The following C3orf49 variants were observed in gnomAD, a reference collection of about 807,000 sequenced individuals.
C3orf49 encodes chromosome 3 open reading frame 49.
A neutral mutation model predicts 13.3 loss-of-function variants in C3orf49; 27 were observed. The ratio of observed to expected loss-of-function variants is 2.02; its 90% CI spans 1.49 to 2.79. C3orf49 has a LOEUF of 2.79. Among genes scored for constraint, C3orf49 ranks in the 30% most tolerant of loss-of-function variants. The pLI is 0.00. For synonymous variants in C3orf49, 87 were observed against 47.6 expected, an observed-to-expected ratio of 1.83 and a Z score of -3.40; for missense variants, 242 against 134.2, an observed-to-expected ratio of 1.80 and a Z score of -3.97.
intron 3 of C3orf49, among the ~76,000 whole-genome samples, chr3:63,829,395 A>G (rs776630578): frequency 1.3e-5 from 2 of 152,198 alleles, no homozygotes; most frequent in Non-Finnish European, 2.9e-5. Context: ...ATTGACCCCT[A>G]TCTCACACCA....
intron 6 of C3orf49, among the ~76,000 whole-genome samples, chr3:63,847,419 G>T (rs1301666602): frequency 1.3e-5 from 2 of 152,118 alleles, no homozygotes; most frequent in African/African-American, 2.4e-5. Context: ...CTAAAGTGCT[G>T]TGTCTCCAAA....
the C3orf49 span, among the ~76,000 whole-genome samples, chr3:63,800,187 C>T: frequency 1.3e-5 from 2 of 152,124 alleles, no homozygotes; most frequent in Non-Finnish European, 2.9e-5. Flanking sequence ...TTCAATCACA[C>T]ATAAAACCAC....
At chr3:63,809,620 G>A in the C3orf49 span, among the ~76,000 whole-genome samples, 3 of 152,038 alleles carry the variant, frequency 2.0e-5, no homozygotes, top group African/African-American at 7.2e-5. Flanking sequence ...TAGGCCCTTC[G>A]TTATCTATCT....
chr3:63,802,755 A>G, the C3orf49 span, among the ~76,000 whole-genome samples: 2 of 152,174 alleles, frequency 1.3e-5, no homozygotes, highest in Non-Finnish European at 2.9e-5. Context: ...ATTAAAGTGC[A>G]GAAAGTCCAA....
chr3:63,820,240 T>C (rs989591327), intron 1 of C3orf49, among the ~76,000 whole-genome samples: 1 of 152,202 alleles, frequency 6.6e-6, no homozygotes, highest in African/African-American at 2.4e-5. Context: ...GGTGTTTTAA[T>C]GAGTCCTGGA....
upstream of C3orf49, among the ~76,000 whole-genome samples, chr3:63,817,246 C>T (rs1701334580): frequency 6.6e-6 from 1 of 152,104 alleles, no homozygotes; most frequent in African/African-American, 2.4e-5. Context: ...CATCTAAAGT[C>T]ACTCCTCATC....
chr3:63,795,343 T>A, the C3orf49 span, among the ~76,000 whole-genome samples: 1 of 152,216 alleles, frequency 6.6e-6, no homozygotes, highest in Non-Finnish European at 1.5e-5. Flanking sequence ...GCCCTTGAGC[T>A]GCTGCTCAGG....
chr3:63,838,343 T>C lies in C3orf49; in HGVS notation c.849+6499T>C, dbSNP rs1486300587. 3 of 1,380,864 alleles carry C rather than the reference T, an allele frequency of 2.2e-6. No homozygotes were observed. In the African/African-American group the frequency reaches 4.4e-5, roughly 20 times the overall value. 85.5% of individuals were successfully genotyped at this position (1,380,864 alleles called of 1,614,324 possible). On this transcript the variant is annotated intron_variant, in intron 5 of 6. Transcript: ENST00000295896. ...TTCCTTTAGACCATAAAAAATAAAA[T>C]TACAGATAGAAACATTAAGATTCTT...
In C3orf49 at chr3:63,845,059, ACTC is replaced by A; in HGVS notation, c.*10_*12del. Reference sequence around the variant, plus strand: ...AGGACCTGGAGACAGCTGACCTGAGACTCCTTGAGGAACACAGGAAAAGGTGAT... The same window carrying A: ...AGGACCTGGAGACAGCTGACCTGAGACTTGAGGAACACAGGAAAAGGTGAT... On this transcript the variant is annotated 3_prime_UTR_variant, in exon 6 of 7. Transcript: ENST00000295896. 1 of 696,612 alleles carries A rather than the reference ACTC, an allele frequency of 1.4e-6. No homozygotes were observed. The highest frequency in any genetic ancestry group is 1.5e-5 in the South Asian group (1 of 66,820). The allele number at this position is 696,612 out of a possible 1,614,324, so 43.2% of individuals were successfully genotyped here. A position where few individuals can be genotyped will look rare whatever the true frequency, so the allele number is the denominator to read the frequency against.
chr3:63,793,081 C>A, the C3orf49 span, among the ~76,000 whole-genome samples: 1 of 152,166 alleles, frequency 6.6e-6, no homozygotes, highest in Non-Finnish European at 1.5e-5. Context: ...CTTCTTGACA[C>A]TGACCACAGT....
At chr3:63,841,349 T>G (rs1234340310) in intron 5 of C3orf49, among the ~76,000 whole-genome samples, 4 of 152,228 alleles carry the variant, frequency 2.6e-5, no homozygotes, top group Non-Finnish European at 5.9e-5. Flanking sequence ...TTTTCCTGCA[T>G]GTCTTTGTAG....
chr3:63,795,564 T>G, the C3orf49 span, among the ~76,000 whole-genome samples: 1 of 152,180 alleles, frequency 6.6e-6, no homozygotes, highest in Non-Finnish European at 1.5e-5. Context: ...TCCTTTTACC[T>G]TGCTGGTCCT....
chr3:63,783,603 A>T, the C3orf49 span, among the ~76,000 whole-genome samples: 1 of 151,584 alleles, frequency 6.6e-6, no homozygotes, highest in Non-Finnish European at 1.5e-5. Flanking sequence ...ATGTAGTCCC[A>T]GCTACTTGGG....
rs777611205 is a variant in C3orf49 at position 63,843,883 on chromosome 3, AGAGT to A, written c.850-1136_850-1133del. 8.5e-5 allele frequency among the ~76,000 whole-genome samples: 13 copies of A among 152,092 alleles called. No individual in the cohort carries two copies. In the East Asian group the frequency reaches 2.3e-3, roughly 27 times the overall value. Reference sequence around the variant, plus strand: ...GCCACTGCACTCCAGCCTGGGCGACAGAGTGAGACTCCGTCTCAGAAAAAAAAAA... The same window carrying A: ...GCCACTGCACTCCAGCCTGGGCGACAGAGACTCCGTCTCAGAAAAAAAAAA... On this transcript the variant is annotated intron_variant, in intron 5 of 6. Transcript: ENST00000295896.
At chr3:63,818,889 G>C (rs1314294858), upstream of C3orf49, among the ~76,000 whole-genome samples, 2 of 152,180 alleles carry the variant, frequency 1.3e-5, no homozygotes, top group Non-Finnish European at 2.9e-5. Flanking sequence ...CACCCTTGGG[G>C]TACATTTTGA....
chr3:63,791,953 T>C, the C3orf49 span, among the ~76,000 whole-genome samples: 1 of 152,212 alleles, frequency 6.6e-6, no homozygotes, highest in Non-Finnish European at 1.5e-5. Context: ...ACTTAAATTC[T>C]TGATTTCTTT....
At chr3:63,847,689 A>G (rs1701927895) in intron 6 of C3orf49, among the ~76,000 whole-genome samples, 1 of 142,556 alleles carries the variant, frequency 7.0e-6, no homozygotes, top group African/African-American at 2.5e-5. Context: ...GTGAGCCAAG[A>G]TCGTGCAACT....
At chr3:63,825,627 G>A (rs1384639039) in intron 2 of C3orf49, among the ~76,000 whole-genome samples, 2 of 152,184 alleles carry the variant, frequency 1.3e-5, no homozygotes, top group Non-Finnish European at 2.9e-5. Context: ...CCTTTAGGAT[G>A]TAGCTCAAAC....
At chr3:63,825,870 T>C (rs940721093) in intron 2 of C3orf49, among the ~76,000 whole-genome samples, 3 of 152,160 alleles carry the variant, frequency 2.0e-5, no homozygotes, top group East Asian at 1.9e-4. Context: ...AAAGAAATCA[T>C]AGGTGCTCTA....
Sources: gnomAD v4.1 joint callset for allele counts (sites outside exome capture counted in the v4.1 genomes callset) on GRCh38, gnomAD v4.1.1 for gene constraint, MANE v1.5 for transcripts, NCBI Gene and HGNC (gene_info 2026-07-23, HGNC 2026-07-21) for gene names.